The following KALRN variants were observed in gnomAD, a reference collection of about 807,000 sequenced individuals.
KALRN encodes the protein kalirin.
KALRN carries 70 observed loss-of-function variants against 353.7 expected under a neutral mutation model. The observed-to-expected ratio is 0.20, with a 90% CI of 0.16 to 0.24. The LOEUF is 0.24. Ranked by LOEUF, KALRN falls within the 10% of genes least tolerant of loss-of-function variation. KALRN has a pLI of 1.00. For missense variants in KALRN, 2,791 were observed against 3,756.7 expected (o/e 0.74, Z 6.72); for synonymous variants, 1,391 against 1,434.8 (o/e 0.97, Z 0.69).
rs190758149 is a variant in KALRN at position 124,197,543 on chromosome 3, G to A, written c.74-30447G>A. Among the ~76,000 whole-genome samples, 24 of 152,166 alleles carry A rather than the reference G, an allele frequency of 1.6e-4. No homozygotes were observed. In the East Asian group the frequency reaches 4.1e-3, roughly 26 times the overall value. On this transcript the variant is annotated intron_variant, in intron 1 of 59. Transcript: ENST00000682506. ...ATCCTTCTAGCTAGAACACTTTTCC[G>A]GTTGTGGGCAAGAACTTTCCCACAC...
chr3:124,709,727 A>G (rs985993744), intron 57 of KALRN, among the ~76,000 whole-genome samples: 1 of 152,264 alleles, frequency 6.6e-6, no homozygotes, highest in South Asian at 2.1e-4. Context: ...AATTCCAGAA[A>G]GAGAGAATAG....
intron 27 of KALRN, among the ~76,000 whole-genome samples, chr3:124,481,733 G>A (rs529102492): frequency 2.6e-5 from 4 of 152,272 alleles, no homozygotes; most frequent in African/African-American, 9.6e-5. Context: ...TGTGTTTGAT[G>A]TAAGTGAGTG....
chr3:124,236,323 C>G (rs1231432019), intron 3 of KALRN, among the ~76,000 whole-genome samples: 1 of 152,058 alleles, frequency 6.6e-6, no homozygotes, highest in Non-Finnish European at 1.5e-5. Context: ...AAGAAATACT[C>G]TTATCTGTCT....
chr3:124,434,864 G>A (rs1018029010), intron 17 of KALRN, among the ~76,000 whole-genome samples: 3 of 152,206 alleles, frequency 2.0e-5, no homozygotes, highest in African/African-American at 7.2e-5. Flanking sequence ...CCAAAACTCA[G>A]TGACATAAAA....
chr3:124,355,648 A>G (rs888829500), intron 10 of KALRN, among the ~76,000 whole-genome samples: 1 of 146,412 alleles, frequency 6.8e-6, no homozygotes, highest in Non-Finnish European at 1.5e-5. Flanking sequence ...GTCCCACTGG[A>G]GGTTTTCCGA....
intron 3 of KALRN, among the ~76,000 whole-genome samples, chr3:124,257,985 AG>A (rs144153629): frequency 0.071 from 10,757 of 152,278 alleles, 422 homozygotes; most frequent in Middle Eastern, 0.095. Context: ...AATCACCTAA[AG>A]GAAAAAAAGC....
At chr3:124,517,099 A>G (rs2066690346) in intron 33 of KALRN, among the ~76,000 whole-genome samples, 1 of 152,206 alleles carries the variant, frequency 6.6e-6, no homozygotes, top group Non-Finnish European at 1.5e-5. Flanking sequence ...TACAGGCGTG[A>G]GCCACCATGC....
chr3:124,245,287 G>A (rs1008124225), intron 3 of KALRN, among the ~76,000 whole-genome samples: 2 of 152,084 alleles, frequency 1.3e-5, no homozygotes, highest in African/African-American at 2.4e-5. Context: ...ATGTCCTTCA[G>A]TTCCATCCAT....
intron 5 of KALRN, among the ~76,000 whole-genome samples, chr3:124,279,197 T>C (rs2075092041): frequency 6.6e-6 from 1 of 152,188 alleles, no homozygotes; most frequent in African/African-American, 2.4e-5. Flanking sequence ...TGGGTTTGAA[T>C]CCCTGCTGGG....
At chr3:124,650,698 G>A (rs1021812417) in intron 37 of KALRN, 110 bp from the exon 38 acceptor site, 21 of 1,132,410 alleles carry the variant, frequency 1.9e-5, no homozygotes, top group Non-Finnish European at 2.6e-5. Flanking sequence ...GGTGAGAACA[G>A]CCTTGGCTAC....
intron 33 of KALRN, among the ~76,000 whole-genome samples, chr3:124,535,087 C>G (rs1037469224): frequency 6.6e-6 from 1 of 151,828 alleles, no homozygotes; most frequent in Non-Finnish European, 1.5e-5. Context: ...GCCTATGAGA[C>G]CCTGTCTCAA....
At chr3:124,207,259 C>T (rs1220253531) in intron 1 of KALRN, among the ~76,000 whole-genome samples, 1 of 152,188 alleles carries the variant, frequency 6.6e-6, no homozygotes, top group Non-Finnish European at 1.5e-5. Context: ...AGACATCCTT[C>T]CCTCCTTCCC....
At chr3:124,633,757 A>G in intron 35 of KALRN, 95 bp from the exon 36 acceptor site, 4 of 983,618 alleles carry the variant, frequency 4.1e-6, no homozygotes, top group Non-Finnish European at 6.2e-6. Flanking sequence ...TGAGAGAGGA[A>G]CTCTCCTCCT....
intron 13 of KALRN, among the ~76,000 whole-genome samples, chr3:124,399,398 A>G (rs1301469178): frequency 2.0e-5 from 3 of 152,176 alleles, no homozygotes; most frequent in African/African-American, 7.2e-5. Flanking sequence ...TCAGCCTTCC[A>G]AAGTGCTGGG....
chr3:124,417,011 CT>C (rs1030263270), intron 14 of KALRN, among the ~76,000 whole-genome samples: 1 of 152,196 alleles, frequency 6.6e-6, no homozygotes, highest in Non-Finnish European at 1.5e-5. Context: ...CTAAATCCCT[CT>C]GGTGTGCCTA....
chr3:124,627,738 A>C (rs1281747780), intron 34 of KALRN, among the ~76,000 whole-genome samples: 1 of 152,238 alleles, frequency 6.6e-6, no homozygotes, highest in East Asian at 1.9e-4. Flanking sequence ...TTTATCACCC[A>C]GCCTTCTGAG....
chr3:124,120,763 A>C (rs1264095852), intron 1 of KALRN, among the ~76,000 whole-genome samples: 1 of 140,990 alleles, frequency 7.1e-6, no homozygotes, highest in Non-Finnish European at 1.5e-5. Flanking sequence ...TAATTAGCTA[A>C]CTATTCATTC....
chr3:124,139,572 A>T (rs2066365444), intron 1 of KALRN, among the ~76,000 whole-genome samples: 1 of 152,160 alleles, frequency 6.6e-6, no homozygotes, highest in African/African-American at 2.4e-5. Context: ...GAGGGTTTGT[A>T]CAGAGAGGAG....
rs150974810 is a variant in KALRN, at chr3:124,337,822, C to T, written c.1647+3327C>T. Reference sequence around the variant, plus strand: ...ATTAATTACTGCCTCAATTTCAGAACTTGTTATTGGTCTATTCAGGGATTC... The same window carrying T: ...ATTAATTACTGCCTCAATTTCAGAATTTGTTATTGGTCTATTCAGGGATTC... On this transcript the variant is annotated intron_variant, in intron 9 of 59. Coordinates refer to ENST00000682506, the MANE Select transcript of KALRN (RefSeq NM_001388419.1). 1.8e-4 allele frequency among the ~76,000 whole-genome samples: 27 copies of T among 152,180 alleles called. No homozygotes were observed. The East Asian group carries it at 5.2e-3, about 29-fold the overall frequency.
Sources: allele counts gnomAD v4.1 joint callset (sites outside exome capture counted in the v4.1 genomes callset), GRCh38; gene constraint gnomAD v4.1.1; transcripts MANE v1.5; gene names NCBI Gene and HGNC (gene_info 2026-07-23, HGNC 2026-07-21).